The following ANO3 variants were observed in gnomAD, a reference collection of about 807,000 sequenced individuals.
The protein encoded by ANO3 is anoctamin 3.
A neutral mutation model predicts 144.8 loss-of-function variants in ANO3; 99 were observed. The observed-to-expected ratio is 0.68, with a 90% CI of 0.58 to 0.81. The LOEUF (loss-of-function observed/expected upper bound fraction) is 0.81. ANO3 is among the 30% of genes least tolerant of loss of function. The pLI is 0.00. For synonymous variants in ANO3, 414 were observed against 392.6 expected, an observed-to-expected ratio of 1.05 and a Z score of -0.64; for missense variants, 905 against 1,202.2, an observed-to-expected ratio of 0.75 and a Z score of 3.66.
chr11:26,266,432 ATTT>A (rs201955022), intron 1 of ANO3, among the ~76,000 whole-genome samples: 40 of 134,236 alleles, frequency 3.0e-4, no homozygotes, highest in African/African-American at 8.7e-4. Flanking sequence ...AACAAATGTA[ATTT>A]TTTTTTTTTT....
intron 1 of ANO3, among the ~76,000 whole-genome samples, chr11:26,391,919 A>G (rs576376631): frequency 2.0e-5 from 3 of 152,234 alleles, no homozygotes; most frequent in African/African-American, 7.2e-5. Flanking sequence ...TAGCCAGTCA[A>G]TCACTCACCA....
chr11:26,190,560 A>T (rs1435871094), intron 1 of ANO3, among the ~76,000 whole-genome samples: 2 of 152,192 alleles, frequency 1.3e-5, no homozygotes, highest in Non-Finnish European at 2.9e-5. Context: ...TTAATAAAAA[A>T]TTGATAGTTT....
chr11:26,314,201 G>A (rs1022693813), intron 1 of ANO3, among the ~76,000 whole-genome samples: 1 of 152,124 alleles, frequency 6.6e-6, no homozygotes, highest in Non-Finnish European at 1.5e-5. Context: ...GAGAAGAGGG[G>A]TTATAGAGCT....
intron 1 of ANO3, among the ~76,000 whole-genome samples, chr11:26,370,486 A>T (rs1409054800): frequency 6.6e-6 from 1 of 152,204 alleles, no homozygotes; most frequent in African/African-American, 2.4e-5. Context: ...TGCTGCAAAA[A>T]TACCCAAAAA....
At position 26,654,248 on chromosome 11, in the gene ANO3, C is replaced by A. The variant is rs570054601; in HGVS notation, c.2577-1877C>A. Among the ~76,000 whole-genome samples the A allele has an allele frequency of 2.1e-3, 325 of 152,236 alleles. 1 individual carries two copies. Among genetic ancestry groups the A allele is most frequent in the Non-Finnish European group, 3.7e-3 (254 of 68,008 alleles). On this transcript the variant is annotated intron_variant, in intron 24 of 26. Transcript: ENST00000256737. ...AACAACCAATCTTGAAACATGCTGA[C>A]TCCATTTATTTAAGCGTTCGTTGAA...
chr11:26,547,599 G>T, intron 12 of ANO3, 49 bp downstream of exon 12: 1 of 1,537,364 alleles, frequency 6.5e-7, no homozygotes, highest in South Asian at 1.1e-5. Flanking sequence ...TCTTCTGAAT[G>T]GGCAAAAGTT....
chr11:26,224,686 A>G (rs1288387785), intron 1 of ANO3, among the ~76,000 whole-genome samples: 2 of 152,200 alleles, frequency 1.3e-5, no homozygotes, highest in Non-Finnish European at 2.9e-5. Flanking sequence ...CCTTTTGTCA[A>G]GGCTTTCTTC....
intron 17 of ANO3, 98 bp from the exon 18 acceptor site, chr11:26,624,364 G>C: frequency 2.4e-6 from 2 of 821,314 alleles, no homozygotes; most frequent in Non-Finnish European, 4.0e-6. Context: ...TGTAACCACT[G>C]TATAACATAC....
Position 26,263,258 on chromosome 11 carries a change from C to CCAGT in ANO3, c.155-46385_155-46382dup, listed in dbSNP as rs529702753. 4.9e-3 allele frequency among the ~76,000 whole-genome samples: 746 copies of CCAGT among 152,284 alleles called. 6 individuals are homozygous for CCAGT. Among genetic ancestry groups the CCAGT allele is most frequent in the African/African-American group, 0.016 (659 of 41,554 alleles). ...TGTGCAAACCAATGAGTCAAATTAA[C>CCAGT]CAGTCTTTCTTGCCTTCAGGACTCT... On this transcript the variant is annotated intron_variant, in intron 1 of 27. Coordinates refer to the ANO3 transcript ENST00000672621.
At chr11:26,293,686 CTA>C (rs2133856180) in intron 1 of ANO3, among the ~76,000 whole-genome samples, 1 of 151,228 alleles carries the variant, frequency 6.6e-6, no homozygotes, top group South Asian at 2.1e-4. Flanking sequence ...CTAACAGAGA[CTA>C]AAAATCACCT....
At chr11:26,235,018 G>A (rs1852487372) in intron 1 of ANO3, among the ~76,000 whole-genome samples, 1 of 151,994 alleles carries the variant, frequency 6.6e-6, no homozygotes, top group African/African-American at 2.4e-5. Flanking sequence ...GAGAGAGAGA[G>A]AGAGAGATGA....
At chr11:26,596,601 G>A (rs988626827) in intron 14 of ANO3, among the ~76,000 whole-genome samples, 3 of 152,172 alleles carry the variant, frequency 2.0e-5, no homozygotes, top group Non-Finnish European at 2.9e-5. Context: ...AGCTTCCTTA[G>A]ATCCCTTTGG....
intron 1 of ANO3, among the ~76,000 whole-genome samples, chr11:26,347,239 T>C (rs1282362403): frequency 1.3e-5 from 2 of 152,214 alleles, no homozygotes. Context: ...TATGGTGATA[T>C]ATTTGAATCA....
intron 1 of ANO3, among the ~76,000 whole-genome samples, chr11:26,200,460 G>A (rs1851671271): frequency 6.6e-6 from 1 of 152,054 alleles, no homozygotes; most frequent in South Asian, 2.1e-4. Flanking sequence ...TGTATCTTGT[G>A]TTGTAAATTA....
intron 14 of ANO3, among the ~76,000 whole-genome samples, chr11:26,595,459 T>TTA (rs763202660): frequency 8.3e-6 from 1 of 120,174 alleles, no homozygotes; most frequent in East Asian, 2.5e-4. Context: ...GAGATAGAGT[T>TTA]GTTTTTTTTT....
At chr11:26,225,651 C>T (rs972169) in intron 1 of ANO3, among the ~76,000 whole-genome samples, 45,970 of 151,880 alleles carry the variant, frequency 0.3, 7,691 homozygotes, top group Non-Finnish European at 0.37. Context: ...TTTTTGGTAA[C>T]ATATAATTTT....
intron 1 of ANO3, among the ~76,000 whole-genome samples, chr11:26,399,942 T>G (rs12575612): frequency 0.38 from 58,404 of 151,820 alleles, 13,455 homozygotes; most frequent in African/African-American, 0.65. Context: ...GTCTACAAAG[T>G]CTGACTACCA....
chr11:26,361,276 G>T (rs1855919054), intron 1 of ANO3, among the ~76,000 whole-genome samples: 1 of 152,094 alleles, frequency 6.6e-6, no homozygotes, highest in Non-Finnish European at 1.5e-5. Context: ...CAGCAATTTG[G>T]GGAATGTTAG....
intron 24 of ANO3, among the ~76,000 whole-genome samples, chr11:26,653,049 C>T (rs1853581067): frequency 6.6e-6 from 1 of 152,184 alleles, no homozygotes; most frequent in South Asian, 2.1e-4. Flanking sequence ...TTTGGAGTTC[C>T]CCAAGGGCTC....
Sources: allele counts gnomAD v4.1 joint callset (sites outside exome capture counted in the v4.1 genomes callset), GRCh38; gene constraint gnomAD v4.1.1; transcripts MANE v1.5; gene names NCBI Gene and HGNC (gene_info 2026-07-23, HGNC 2026-07-21).